ARHGAP44: variants seen among roughly 807,000 people sequenced by gnomAD.
ARHGAP44 encodes rho GTPase-activating protein 44.
Under a neutral mutation model 106.8 loss-of-function variants are expected in ARHGAP44, and 43 were observed. The observed-to-expected ratio is 0.40, with a 90% CI of 0.32 to 0.52. The LOEUF (loss-of-function observed/expected upper bound fraction) is 0.52, where lower values mean the gene tolerates loss of function less well. Among genes scored for constraint, ARHGAP44 ranks in the 20% least tolerant of loss-of-function variants. The pLI, the probability that ARHGAP44 is intolerant of heterozygous loss-of-function variation, is 0.48. For missense variants in ARHGAP44, 866 were observed against 1,050.5 expected (o/e 0.82, Z 2.43); for synonymous variants, 439 against 410.3 (o/e 1.07, Z -0.85).
chr17:12,844,976 A>T (rs1408354149), intron 1 of ARHGAP44, among the ~76,000 whole-genome samples: 1 of 152,136 alleles, frequency 6.6e-6, no homozygotes, highest in African/African-American at 2.4e-5. Flanking sequence ...ACATTTGCCG[A>T]GAGTTAGGCT....
Position 12,949,552 on chromosome 17 carries a change from C to A in ARHGAP44, c.974-97C>A. 1.7e-6 allele frequency: 2 copies of A among 1,158,036 alleles called. No homozygotes were observed. Among genetic ancestry groups the A allele is most frequent in the Non-Finnish European group, 2.5e-6 (2 of 795,322 alleles). 71.7% of individuals were successfully genotyped at this position (1,158,036 alleles called of 1,614,324 possible). A position where few individuals can be genotyped will look rare whatever the true frequency, so the allele number is the denominator to read the frequency against. ...GCTGTTGACATGGTGGTCAGGAGGCCCATCCCCAGATGGAACCCACATAGG... is the reference window on the plus strand; with the variant it reads ...GCTGTTGACATGGTGGTCAGGAGGCACATCCCCAGATGGAACCCACATAGG... On this transcript the variant is annotated intron_variant, in intron 11 of 20. Transcript: ENST00000379672. This position sits in a 1 kb window ranked among gnomAD's most constrained non-coding sequence, Gnocchi z 4.1.
At chr17:12,814,622 C>A (rs1048505400) in intron 1 of ARHGAP44, among the ~76,000 whole-genome samples, 5 of 152,208 alleles carry the variant, frequency 3.3e-5, no homozygotes, top group Non-Finnish European at 5.9e-5. Context: ...CCGTGAAAGA[C>A]AAGCAAGTTC....
intron 19 of ARHGAP44, among the ~76,000 whole-genome samples, chr17:12,981,359 A>G (rs56164999): frequency 0.098 from 14,800 of 151,680 alleles, 901 homozygotes; most frequent in Middle Eastern, 0.19. Context: ...TCCAGCACCA[A>G]TGGTTTCTCC....
intron 1 of ARHGAP44, among the ~76,000 whole-genome samples, chr17:12,815,308 C>T (rs1050286485): frequency 3.9e-5 from 6 of 152,072 alleles, no homozygotes; most frequent in Admixed American, 1.3e-4. Context: ...GCAAACATTC[C>T]GCCTCGCACT....
intron 3 of ARHGAP44, among the ~76,000 whole-genome samples, chr17:12,905,301 A>G (rs913886541): frequency 1.3e-5 from 2 of 152,182 alleles, no homozygotes; most frequent in Non-Finnish European, 2.9e-5. Context: ...AATTCACTTA[A>G]TTCTGTCCTC....
rs2038950970 is a variant in ARHGAP44, at chr17:12,949,851, G to A, written c.1055+121G>A. The A allele has an allele frequency of 3.1e-6, 3 of 961,462 alleles. No individual in the cohort carries two copies. The highest frequency in any genetic ancestry group is 2.3e-5 in the Admixed American group (1 of 43,492). The allele number at this position is 961,462 out of a possible 1,614,324, so 59.6% of individuals were successfully genotyped here. A position where few individuals can be genotyped will look rare whatever the true frequency, so the allele number is the denominator to read the frequency against. ...CCCGTTTCTTGATCTCTGCCATGAAGGAGTGCTTATACATTTGCCCAAGGA... is the reference window on the plus strand; with the variant it reads ...CCCGTTTCTTGATCTCTGCCATGAAAGAGTGCTTATACATTTGCCCAAGGA... On this transcript the variant is annotated intron_variant, in intron 12 of 20. Coordinates refer to ENST00000379672, the MANE Select transcript of ARHGAP44 (RefSeq NM_014859.6). The surrounding 1 kb of genome is among the most constrained non-coding windows in gnomAD (Gnocchi z 4.1).
chr17:12,845,192 T>A (rs1282683670), intron 1 of ARHGAP44, among the ~76,000 whole-genome samples: 2 of 146,784 alleles, frequency 1.4e-5, no homozygotes, highest in African/African-American at 5.4e-5. Flanking sequence ...CTTTATGACA[T>A]TCTGTGTGTT....
rs1567731698 is a variant in ARHGAP44 at position 12,991,040 on chromosome 17, A to G, written c.*869A>G. The G allele has an allele frequency of 6.6e-6, 1 of 152,638 alleles. No individual in the cohort carries two copies. Among genetic ancestry groups the G allele is most frequent in the Admixed American group, 6.5e-5 (1 of 15,284 alleles). 9.5% of individuals were successfully genotyped at this position (152,638 alleles called of 1,614,324 possible). Reference sequence around the variant, plus strand: ...TTCTGGAGGTTCAAACTGAATAGCAATAATTACGTTACCCAAAGCATGTGG... The same window carrying G: ...TTCTGGAGGTTCAAACTGAATAGCAGTAATTACGTTACCCAAAGCATGTGG... On this transcript the variant is annotated 3_prime_UTR_variant, in exon 21 of 21. Coordinates refer to ENST00000379672, the MANE Select transcript of ARHGAP44 (RefSeq NM_014859.6).
Position 12,896,416 on chromosome 17 carries a change from C to G in ARHGAP44, c.103C>G (p.Arg35Gly). 6.3e-7 allele frequency: 1 copy of G among 1,599,834 alleles called. No individual in the cohort carries two copies. The highest frequency in any genetic ancestry group is 8.5e-7 in the Non-Finnish European group (1 of 1,173,696). Residue 35 changes from arginine to glycine, a missense_variant, in exon 3 of 21, where the codon CGT becomes GGT. Coordinates refer to ENST00000379672, the MANE Select transcript of ARHGAP44 (RefSeq NM_014859.6). ...LSEDLLQVEK[R>G]LELVKQVSHS... Reference sequence around the variant, plus strand: ...GCTCTTCTCTCTGCAGGTGGAGAAGCGTCTGGAGCTGGTGAAACAGGTGTC... The same window carrying G: ...GCTCTTCTCTCTGCAGGTGGAGAAGGGTCTGGAGCTGGTGAAACAGGTGTC...
intron 1 of ARHGAP44, among the ~76,000 whole-genome samples, chr17:12,885,504 C>T (rs2036856776): frequency 1.3e-5 from 2 of 150,316 alleles, no homozygotes; most frequent in Non-Finnish European, 3.0e-5. Context: ...TCCAGTTATT[C>T]CATATGGTCA....
At chr17:12,893,223 TTGG>T (rs1027222919) in intron 1 of ARHGAP44, among the ~76,000 whole-genome samples, 7 of 152,172 alleles carry the variant, frequency 4.6e-5, no homozygotes, top group African/African-American at 1.7e-4. Flanking sequence ...TTGTTAATAC[TTGG>T]TGGGTGTGGG....
chr17:12,968,661 CT>C (rs1464636026), intron 16 of ARHGAP44, among the ~76,000 whole-genome samples: 3 of 152,130 alleles, frequency 2.0e-5, no homozygotes, highest in African/African-American at 7.2e-5. Flanking sequence ...CCCCGCGAGA[CT>C]AAGAAACCTA....
intron 3 of ARHGAP44, among the ~76,000 whole-genome samples, chr17:12,902,218 A>C (rs751665140): frequency 2.6e-5 from 4 of 151,938 alleles, no homozygotes; most frequent in Non-Finnish European, 5.9e-5. Flanking sequence ...CTCTGTCATC[A>C]TTCTTCAGCT....
Position 12,952,729 on chromosome 17 carries a change from T to C in ARHGAP44, c.1136+148T>C. Reference sequence around the variant, plus strand: ...TATTAACATGCATGGTCTCTTTTTTTTTTTTTTTTTTTTTTTTTTTTTGAG... The same window carrying C: ...TATTAACATGCATGGTCTCTTTTTTCTTTTTTTTTTTTTTTTTTTTTTGAG... On this transcript the variant is annotated intron_variant, in intron 13 of 20. Transcript: ENST00000379672. 6 of 146,230 alleles carry C rather than the reference T, an allele frequency of 4.1e-5. No individual in the cohort carries two copies. The East Asian group carries it at 1.0e-3, about 25-fold the overall frequency. The allele number at this position is 146,230 out of a possible 1,614,324, so 9.1% of individuals were successfully genotyped here. A position where few individuals can be genotyped will look rare whatever the true frequency, so the allele number is the denominator to read the frequency against.
chr17:12,978,426 T>C (rs975020577), intron 18 of ARHGAP44, among the ~76,000 whole-genome samples: 1 of 152,262 alleles, frequency 6.6e-6, no homozygotes, highest in African/African-American at 2.4e-5. Flanking sequence ...CTAGGTATAG[T>C]GTGTAAGACT....
At chr17:12,859,824 A>G (rs530846061) in intron 1 of ARHGAP44, among the ~76,000 whole-genome samples, 1 of 152,352 alleles carries the variant, frequency 6.6e-6, no homozygotes, top group South Asian at 2.1e-4. Context: ...GCAGGCACGG[A>G]AAGAGGGAGC....
intron 1 of ARHGAP44, among the ~76,000 whole-genome samples, chr17:12,888,772 T>C (rs1051531992): frequency 4.6e-5 from 7 of 152,232 alleles, no homozygotes; most frequent in Non-Finnish European, 1.0e-4. Flanking sequence ...ACAGCTCTGT[T>C]TTTTGGTGGA....
At chr17:12,845,713 G>A (rs1230195153) in intron 1 of ARHGAP44, among the ~76,000 whole-genome samples, 1 of 152,058 alleles carries the variant, frequency 6.6e-6, no homozygotes, top group East Asian at 1.9e-4. Flanking sequence ...ATCCATACCT[G>A]GGAAGGCTGG....
chr17:12,848,069 A>G (rs1460803897), intron 1 of ARHGAP44, among the ~76,000 whole-genome samples: 1 of 152,184 alleles, frequency 6.6e-6, no homozygotes, highest in African/African-American at 2.4e-5. Context: ...TGTTCTATAG[A>G]TATAGATAGC....
Sources: gnomAD v4.1 joint callset for allele counts (sites outside exome capture counted in the v4.1 genomes callset) on GRCh38, gnomAD v4.1.1 for gene constraint, Gnocchi (gnomAD v3.1) non-coding constraint, MANE v1.5 for transcripts, NCBI Gene and HGNC (gene_info 2026-07-23, HGNC 2026-07-21) for gene names.